The following ABCB7 variants were observed in gnomAD, a reference collection of about 807,000 sequenced individuals.
ABCB7 encodes the protein ATP binding cassette subfamily B member 7, also known as iron-sulfur clusters transporter ABCB7, mitochondrial.
In ABCB7, 7 loss-of-function variants were observed where a neutral mutation model predicts 54.4. That is an observed-to-expected ratio of 0.13 (90% CI 0.07 to 0.24). The LOEUF (loss-of-function observed/expected upper bound fraction) is 0.24, where lower values mean the gene tolerates loss of function less well. Among genes scored for constraint, ABCB7 ranks in the 10% least tolerant of loss-of-function variants. The pLI is 1.00. For missense variants in ABCB7, 356 were observed against 570.4 expected (o/e 0.62, Z 3.83); for synonymous variants, 218 against 207.1 (o/e 1.05, Z -0.45).
intron 4 of ABCB7, among the ~76,000 whole-genome samples, chrX:75,095,078 G>A (rs1485136971): frequency 9.1e-6 from 1 of 110,284 alleles, no homozygotes; most frequent in African/African-American, 3.3e-5. Flanking sequence ...GCATTAAAAA[G>A]TAAATAAGCA....
At chrX:75,073,213 G>A (rs1041487092) in intron 8 of ABCB7, among the ~76,000 whole-genome samples, 1 of 111,753 alleles carries the variant, frequency 8.9e-6, no homozygotes, top group Non-Finnish European at 1.9e-5. Flanking sequence ...GATTAAACGT[G>A]TAAAAATACA....
chrX:75,079,370 AGTGTT>A (rs2081437024), intron 4 of ABCB7, among the ~76,000 whole-genome samples: 1 of 112,464 alleles, frequency 8.9e-6, no homozygotes. Flanking sequence ...ATTAACATGT[AGTGTT>A]AAGTTTTATT....
rs1391653801 is a variant in ABCB7 at position 75,091,236 on chromosome X, A to G, written c.453+7706T>C. 8.7e-4 allele frequency among the ~76,000 whole-genome samples: 97 copies of G among 111,389 alleles called. 4 individuals carry two copies. The highest frequency in any genetic ancestry group is 1.9e-5 in the Non-Finnish European group (1 of 52,680). On this transcript the variant is annotated intron_variant, in intron 4 of 15. Transcript: ENST00000373394. Reference sequence around the variant, plus strand: ...TACCAAATCATACCCAACAATGTATAAAAACAATTACACGACATAACCAAG... The same window carrying G: ...TACCAAATCATACCCAACAATGTATGAAAACAATTACACGACATAACCAAG...
intron 4 of ABCB7, among the ~76,000 whole-genome samples, chrX:75,081,434 C>T (rs1003489035): frequency 1.8e-5 from 2 of 111,791 alleles, no homozygotes; most frequent in African/African-American, 6.5e-5. Context: ...AAGGGATGGG[C>T]TCCATGGCAA....
intron 4 of ABCB7, among the ~76,000 whole-genome samples, chrX:75,093,502 G>A (rs1336591478): frequency 9.0e-6 from 1 of 110,703 alleles, no homozygotes; most frequent in East Asian, 2.8e-4. Context: ...GTGAATACAC[G>A]ACATTATACA....
At chrX:75,095,817 G>T (rs1403870628) in intron 4 of ABCB7, among the ~76,000 whole-genome samples, 2 of 111,902 alleles carry the variant, frequency 1.8e-5, no homozygotes, top group African/African-American at 6.5e-5. Context: ...GTTGATTAAA[G>T]AATCAAATAT....
At chrX:75,117,908 TTC>T (rs1007729785) in intron 1 of ABCB7, among the ~76,000 whole-genome samples, 3 of 111,987 alleles carry the variant, frequency 2.7e-5, no homozygotes, top group African/African-American at 9.8e-5. Context: ...TTCCTTTCCT[TTC>T]TCTCTCTGTG....
At chrX:75,117,765 G>T (rs762528179) in intron 1 of ABCB7, among the ~76,000 whole-genome samples, 5 of 111,738 alleles carry the variant, frequency 4.5e-5, no homozygotes, top group Admixed American at 2.8e-4. Flanking sequence ...TGATGGGACT[G>T]CTGGAAAAAA....
chrX:75,078,533 A>T (rs1428143932), intron 4 of ABCB7, among the ~76,000 whole-genome samples: 1 of 111,666 alleles, frequency 9.0e-6, no homozygotes, highest in Non-Finnish European at 1.9e-5. Context: ...ACCTTTTGTG[A>T]CAAAACTGAC....
chrX:75,138,332 A>G lies in ABCB7; in HGVS notation c.168+17773T>C, dbSNP rs868330612. Among the ~76,000 whole-genome samples the G allele has an allele frequency of 8.3e-4, 93 of 112,251 alleles. 1 individual carries two copies. Among genetic ancestry groups the G allele is most frequent in the African/African-American group, 2.8e-3 (87 of 30,837 alleles). ...TATTTATGTGTGTATACACACATGCATATTTATACATATACGTATGTACAC... is the reference window on the plus strand; with the variant it reads ...TATTTATGTGTGTATACACACATGCGTATTTATACATATACGTATGTACAC... On this transcript the variant is annotated intron_variant, in intron 1 of 15. Transcript: ENST00000373394.
At chrX:75,132,443 G>A (rs2081982055) in intron 1 of ABCB7, among the ~76,000 whole-genome samples, 1 of 112,985 alleles carries the variant, frequency 8.9e-6, no homozygotes, top group Non-Finnish European at 1.9e-5. Context: ...CAAGCGAAAG[G>A]CCCTCTGCCA....
chrX:75,115,211 T>C (rs1247095910), intron 1 of ABCB7, among the ~76,000 whole-genome samples: 1 of 85,898 alleles, frequency 1.2e-5, no homozygotes, highest in Non-Finnish European at 2.1e-5. Context: ...GAGGCTGCAG[T>C]GAGCCGAGAT....
At chrX:75,094,036 A>ATATC (rs2081567392) in intron 4 of ABCB7, among the ~76,000 whole-genome samples, 1 of 38,216 alleles carries the variant, frequency 2.6e-5, no homozygotes, top group South Asian at 1.3e-3. Flanking sequence ...ATATATATAT[A>ATATC]TATATATATA....
At chrX:75,138,076 C>CA (rs753650843) in intron 1 of ABCB7, among the ~76,000 whole-genome samples, 29 of 111,585 alleles carry the variant, frequency 2.6e-4, no homozygotes, top group Admixed American at 2.8e-4. Context: ...TACACACACA[C>CA]AAAAAATGCT....
chrX:75,106,681 C>T (rs1314555708), intron 3 of ABCB7, among the ~76,000 whole-genome samples: 1 of 111,803 alleles, frequency 8.9e-6, no homozygotes, highest in Non-Finnish European at 1.9e-5. Flanking sequence ...ATAAAAAAGA[C>T]ACCTGCACTC....
intron 13 of ABCB7, among the ~76,000 whole-genome samples, chrX:75,063,099 G>C (rs989985814): frequency 1.8e-5 from 2 of 111,509 alleles, no homozygotes; most frequent in African/African-American, 6.5e-5. Flanking sequence ...GCAAGAATCT[G>C]GACTAGACCC....
chrX:75,099,569 T>G (rs1276192220), intron 3 of ABCB7, among the ~76,000 whole-genome samples: 1 of 111,265 alleles, frequency 9.0e-6, no homozygotes, highest in African/African-American at 3.3e-5. Flanking sequence ...CAAAGTTGAG[T>G]TACTGAAAAT....
chrX:75,076,452 C>A, intron 5 of ABCB7, 70 bp downstream of exon 5: 2 of 1,153,358 alleles, frequency 1.7e-6, no homozygotes, highest in South Asian at 3.6e-5. Context: ...AAAAGGTCAT[C>A]TGCTCAAATA....
chrX:75,071,502 T>C lies in ABCB7; in HGVS notation c.1207+7A>G. ...GCCTGTAAATGTGATAGCCACAGAC[T>C]CATTACCTGCCACAATTCCCTGACT... On this transcript the variant is annotated splice_region_variant and intron_variant, in intron 9 of 15. Coordinates refer to ENST00000373394, the MANE Select transcript of ABCB7 (RefSeq NM_001271696.3). The C allele has an allele frequency of 8.3e-7, 1 of 1,210,500 alleles. No individual in the cohort carries two copies.
Sources: allele counts gnomAD v4.1 joint callset (sites outside exome capture counted in the v4.1 genomes callset), GRCh38; gene constraint gnomAD v4.1.1; transcripts MANE v1.5; gene names NCBI Gene and HGNC (gene_info 2026-07-23, HGNC 2026-07-21).